The following MDGA2 variants were observed in gnomAD, a reference collection of about 807,000 sequenced individuals.
MDGA2 encodes the protein MAM domain containing glycosylphosphatidylinositol anchor 2.
Under a neutral mutation model 117.8 loss-of-function variants are expected in MDGA2, and 40 were observed. That is an observed-to-expected ratio of 0.34 (90% CI 0.26 to 0.44). MDGA2 has a LOEUF of 0.44. Ranked by LOEUF, MDGA2 falls within the 20% of genes least tolerant of loss-of-function variation. The pLI, the probability that MDGA2 is intolerant of heterozygous loss-of-function variation, is 1.00. For synonymous variants in MDGA2, 452 were observed against 439.0 expected (o/e 1.03, Z -0.37); for missense variants, 1,123 against 1,250.6 (o/e 0.90, Z 1.54).
chr14:46,990,558 T>C (rs1246810990), intron 8 of MDGA2, among the ~76,000 whole-genome samples: 10 of 152,120 alleles, frequency 6.6e-5, no homozygotes, highest in Admixed American at 2.6e-4. Context: ...TTTCAAAAAA[T>C]TGTTAACCAC....
intron 3 of MDGA2, among the ~76,000 whole-genome samples, chr14:47,211,937 GTCT>G (rs1321411949): frequency 4.6e-5 from 7 of 151,982 alleles, no homozygotes; most frequent in Admixed American, 1.3e-4. Context: ...TTGTCACTTT[GTCT>G]TCTTAAGTAG....
intron 1 of MDGA2, among the ~76,000 whole-genome samples, chr14:47,361,389 C>A (rs1046765495): frequency 1.3e-5 from 2 of 151,966 alleles, no homozygotes; most frequent in African/African-American, 2.4e-5. Context: ...ACTTCCAGCT[C>A]CAGAATGGTG....
At chr14:46,966,569 C>A (rs944931084) in intron 8 of MDGA2, among the ~76,000 whole-genome samples, 1 of 152,126 alleles carries the variant, frequency 6.6e-6, no homozygotes, top group Non-Finnish European at 1.5e-5. Flanking sequence ...GAATCAAATT[C>A]AAACTGCAGT....
Position 46,941,960 on chromosome 14 carries a change from A to G in MDGA2, c.2089+15414T>C, listed in dbSNP as rs1394766486. Among the ~76,000 whole-genome samples, 4 of 152,184 alleles carry G rather than the reference A, an allele frequency of 2.6e-5. 1 individual carries two copies. The highest frequency in any genetic ancestry group is 9.7e-5 in the African/African-American group (4 of 41,446). On this transcript the variant is annotated intron_variant, in intron 9 of 16. Coordinates refer to ENST00000399232, the MANE Select transcript of MDGA2 (RefSeq NM_001113498.3). ...TATCTCTGTCTTTCCATTATTTTAC[A>G]CAGCAGTGACTGTCTCTGCTTACAA...
At chr14:46,963,074 A>G (rs960892289) in intron 8 of MDGA2, among the ~76,000 whole-genome samples, 1 of 152,136 alleles carries the variant, frequency 6.6e-6, no homozygotes, top group African/African-American at 2.4e-5. Context: ...AATATAGTGA[A>G]GCATTTTTTC....
chr14:46,943,350 A>G (rs1885063940), intron 9 of MDGA2, among the ~76,000 whole-genome samples: 1 of 151,830 alleles, frequency 6.6e-6, no homozygotes, highest in Admixed American at 6.6e-5. Flanking sequence ...GTCCAGTTCT[A>G]CCATTTCTGA....
chr14:47,192,837 C>T (rs1233946747), intron 3 of MDGA2, among the ~76,000 whole-genome samples: 4 of 152,128 alleles, frequency 2.6e-5, no homozygotes, highest in African/African-American at 4.8e-5. Flanking sequence ...TGCTTGTTAA[C>T]TTTAGCAAGG....
intron 1 of MDGA2, among the ~76,000 whole-genome samples, chr14:47,365,620 A>G (rs1891215651): frequency 6.6e-6 from 1 of 152,152 alleles, no homozygotes; most frequent in Admixed American, 6.5e-5. Flanking sequence ...TTTTCCCCAC[A>G]TTAAGCAGTA....
intron 8 of MDGA2, among the ~76,000 whole-genome samples, chr14:46,995,422 A>G (rs1339316730): frequency 7.9e-5 from 12 of 152,316 alleles, no homozygotes; most frequent in African/African-American, 2.6e-4. Context: ...GACCTAGCAC[A>G]CTGCTTTGTG....
At chr14:47,150,186 A>G (rs2139225945) in intron 3 of MDGA2, among the ~76,000 whole-genome samples, 1 of 152,266 alleles carries the variant, frequency 6.6e-6, no homozygotes. Context: ...ATAATTTGAG[A>G]CTTCAAGGTT....
At chr14:47,665,796 C>T (rs1264155136) in intron 1 of MDGA2, among the ~76,000 whole-genome samples, 1 of 74,280 alleles carries the variant, frequency 1.3e-5, no homozygotes, top group Admixed American at 1.5e-4. Context: ...AGCAGCCCGC[C>T]CCCTCCCTCG....
chr14:47,228,590 G>C (rs1441215163), intron 2 of MDGA2, among the ~76,000 whole-genome samples: 2 of 152,076 alleles, frequency 1.3e-5, no homozygotes, highest in Non-Finnish European at 2.9e-5. Context: ...AAGCTACGAT[G>C]TTCAGTAGGT....
intron 3 of MDGA2, among the ~76,000 whole-genome samples, chr14:47,184,076 A>G (rs1186313938): frequency 6.6e-6 from 1 of 151,992 alleles, no homozygotes; most frequent in Non-Finnish European, 1.5e-5. Flanking sequence ...TATATATAAT[A>G]AATAAATTTT....
chr14:47,572,505 G>A (rs17686460), intron 1 of MDGA2, among the ~76,000 whole-genome samples: 6,828 of 152,174 alleles, frequency 0.045, 248 homozygotes, highest in Non-Finnish European at 0.065. Flanking sequence ...CATAAGAATC[G>A]ATCATCAAAA....
intron 1 of MDGA2, among the ~76,000 whole-genome samples, chr14:47,494,164 G>A (rs140672703): frequency 8.3e-4 from 127 of 152,248 alleles, no homozygotes; most frequent in African/African-American, 2.6e-3. Flanking sequence ...TTCCCCAGCC[G>A]TACTGAACTG....
chr14:47,391,271 C>A (rs893951058), intron 1 of MDGA2, among the ~76,000 whole-genome samples: 1 of 152,120 alleles, frequency 6.6e-6, no homozygotes, highest in Admixed American at 6.6e-5. Flanking sequence ...GTAGATTTGC[C>A]GAAGGGAGAA....
At chr14:46,899,916 GAAGTA>G (rs1321050541) in intron 10 of MDGA2, among the ~76,000 whole-genome samples, 1 of 151,878 alleles carries the variant, frequency 6.6e-6, no homozygotes, top group Non-Finnish European at 1.5e-5. Context: ...AATTACAAAA[GAAGTA>G]AAGAAATATG....
At chr14:47,478,619 A>G (rs1200467982) in intron 1 of MDGA2, among the ~76,000 whole-genome samples, 1 of 151,912 alleles carries the variant, frequency 6.6e-6, no homozygotes, top group Admixed American at 6.6e-5. Context: ...CAAGCGATCC[A>G]CCCACCTCAG....
In MDGA2 at chr14:47,378,419, G is replaced by A. The variant is rs191874970; in HGVS notation, c.281-76869C>T. ...ACGATCGGTAATAAGAAACTTCTCC[G>A]AGCTAAAGGCAGATGTTTGAACCCA... On this transcript the variant is annotated intron_variant, in intron 1 of 16. Coordinates refer to ENST00000399232, the MANE Select transcript of MDGA2 (RefSeq NM_001113498.3). Among the ~76,000 whole-genome samples the A allele has an allele frequency of 1.2e-3, 176 of 152,230 alleles. 1 individual carries two copies. Among genetic ancestry groups the A allele is most frequent in the African/African-American group, 3.6e-3 (148 of 41,544 alleles).
Sources: gnomAD v4.1 joint callset for allele counts (sites outside exome capture counted in the v4.1 genomes callset) on GRCh38, gnomAD v4.1.1 for gene constraint, MANE v1.5 for transcripts, NCBI Gene and HGNC (gene_info 2026-07-23, HGNC 2026-07-21) for gene names.